IRAK3: variants seen among roughly 807,000 people sequenced by gnomAD.
IRAK3 encodes the protein interleukin-1 receptor-associated kinase 3.
Under a neutral mutation model 56.6 loss-of-function variants are expected in IRAK3, and 57 were observed. The observed-to-expected ratio is 1.01, with a 90% CI of 0.81 to 1.26. The LOEUF (loss-of-function observed/expected upper bound fraction) is 1.26, where lower values mean the gene tolerates loss of function less well. Among genes scored for constraint, IRAK3 ranks in the 50% most tolerant of loss-of-function variants. The probability of loss-of-function intolerance (pLI) is 0.00; values close to 1 mark genes in which losing one functional copy is unlikely to be tolerated. For missense variants in IRAK3, 703 were observed against 719.0 expected (o/e 0.98, Z 0.25); for synonymous variants, 258 against 255.7 (o/e 1.01, Z -0.09).
At chr12:66,227,225 C>T (rs572875652) in intron 7 of IRAK3, among the ~76,000 whole-genome samples, 22 of 152,262 alleles carry the variant, frequency 1.4e-4, no homozygotes, top group African/African-American at 5.1e-4. Flanking sequence ...TACAAAGGAT[C>T]ACCATAGCAG....
chr12:66,207,791 A>G (rs1300696767), intron 2 of IRAK3, among the ~76,000 whole-genome samples: 1 of 151,858 alleles, frequency 6.6e-6, no homozygotes, highest in Non-Finnish European at 1.5e-5. Context: ...TTTGTTATTT[A>G]TGATTTTGTT....
chr12:66,191,191 G>T (rs555073312), intron 1 of IRAK3, among the ~76,000 whole-genome samples: 2 of 152,162 alleles, frequency 1.3e-5, no homozygotes, highest in African/African-American at 4.8e-5. Context: ...TACCTAAAAG[G>T]GGGTATTTTG....
At chr12:66,236,395 C>CAAAAAAAAA (rs56074285) in intron 8 of IRAK3, among the ~76,000 whole-genome samples, 2 of 110,414 alleles carry the variant, frequency 1.8e-5, no homozygotes. Flanking sequence ...CTAAAAATAC[C>CAAAAAAAAA]AAAAAAAAAA....
intron 8 of IRAK3, among the ~76,000 whole-genome samples, chr12:66,236,641 T>C (rs990680995): frequency 4.6e-5 from 7 of 151,086 alleles, no homozygotes; most frequent in Non-Finnish European, 8.9e-5. Context: ...GGCCAGAGAG[T>C]GGCCAAAAGT....
At chr12:66,240,029 T>G (rs1224656692) in intron 8 of IRAK3, among the ~76,000 whole-genome samples, 2 of 152,194 alleles carry the variant, frequency 1.3e-5, no homozygotes. Flanking sequence ...TGTATTTTTG[T>G]TCCTTGAGTT....
rs2052875594 is a variant in IRAK3, at chr12:66,234,061, T to A, written c.887+5691T>A. The A allele has an allele frequency of 7.4e-6, 12 of 1,613,726 alleles. No homozygotes were observed. In the South Asian group the frequency reaches 1.3e-4, roughly 18 times the overall value. The stretch of plus-strand genomic sequence containing the variant: ...TTCTTCATGTAAGAACACCTTTCTG[T>A]ACATCTCACAGTTACTTATTAGGTT... On this transcript the variant is annotated intron_variant, in intron 8 of 11. Coordinates refer to ENST00000261233, the MANE Select transcript of IRAK3 (RefSeq NM_007199.3).
At chr12:66,215,298 C>T (rs1426732957) in intron 5 of IRAK3, among the ~76,000 whole-genome samples, 1 of 152,186 alleles carries the variant, frequency 6.6e-6, no homozygotes, top group Non-Finnish European at 1.5e-5. Flanking sequence ...CCAAATCACA[C>T]TCCCTTTTGG....
chr12:66,226,669 C>A, intron 6 of IRAK3, 54 bp from the exon 7 acceptor site: 1 of 1,008,822 alleles, frequency 9.9e-7, no homozygotes, highest in South Asian at 1.3e-5. Context: ...GTGTGTTGTT[C>A]ATTTCCTGTC....
Position 66,189,307 on chromosome 12 carries a change from G to T in IRAK3, c.8G>T (p.Gly3Val). 1 of 1,535,638 alleles carries T rather than the reference G, an allele frequency of 6.5e-7. No homozygotes were observed. Among genetic ancestry groups the T allele is most frequent in the Middle Eastern group, 2.0e-4 (1 of 4,990 alleles). MA[G>V]NCGARGALSA... Reference sequence around the variant, plus strand: ...GGCTCGGGCAGCCGAGCCATGGCGGGGAACTGTGGGGCCCGCGGCGCGCTG... The same window carrying T: ...GGCTCGGGCAGCCGAGCCATGGCGGTGAACTGTGGGGCCCGCGGCGCGCTG... The change falls in exon 1 of 12, where the codon GGG becomes GTG. Residue 3 changes from glycine to valine, a missense_variant. Transcript: ENST00000261233.
At chr12:66,215,785 T>TGCAAGTGCACGTGCGCGCGC (rs1555203474) in intron 5 of IRAK3, among the ~76,000 whole-genome samples, 1 of 31,176 alleles carries the variant, frequency 3.2e-5, no homozygotes, top group African/African-American at 1.3e-4. Context: ...TAACCCAACA[T>TGCAAGTGCACGTGCGCGCGC]GCACACACAC....
intron 8 of IRAK3, chr12:66,234,517 G>A (rs541689176): frequency 4.3e-6 from 7 of 1,611,972 alleles, no homozygotes; most frequent in South Asian, 2.2e-5. Context: ...TAGTTGGGTC[G>A]TAAGTAAGTG....
intron 11 of IRAK3, 53 bp downstream of exon 11, chr12:66,245,315 T>G: frequency 6.4e-7 from 1 of 1,555,372 alleles, no homozygotes. Context: ...CCATGGAAAA[T>G]CTAAACTAGA....
At chr12:66,210,030 A>G (rs769511934) in intron 3 of IRAK3, 117 bp from the exon 4 acceptor site, 2 of 667,798 alleles carry the variant, frequency 3.0e-6, no homozygotes, top group Non-Finnish European at 5.4e-6. Context: ...TTTCTTTTAA[A>G]TTAGGTTGCA....
chr12:66,247,787 A>G lies in IRAK3; in HGVS notation c.1407A>G (p.Leu469=), dbSNP rs1416083085. The change falls in exon 12 of 12, where the codon CTA becomes CTG. Residue 469 remains leucine (L), a synonymous_variant. Transcript: ENST00000261233. ...SLKSFRCPSP[L]FLENVPSIPV... Reference sequence around the variant, plus strand: ...AGTCCTTCAGGTGTCCTTCTCCTCTATTCCTGGAGAATGTACCAAGTATTC... The same window carrying G: ...AGTCCTTCAGGTGTCCTTCTCCTCTGTTCCTGGAGAATGTACCAAGTATTC... The G allele has an allele frequency of 3.2e-5, 51 of 1,614,032 alleles. No individual in the cohort carries two copies. Among genetic ancestry groups the G allele is most frequent in the Non-Finnish European group, 4.0e-5 (47 of 1,179,990 alleles).
At chr12:66,215,796 A>ACC (rs2052669038) in intron 5 of IRAK3, among the ~76,000 whole-genome samples, 1 of 57,292 alleles carries the variant, frequency 1.7e-5, no homozygotes, top group African/African-American at 4.1e-5. Context: ...GCACACACAC[A>ACC]CACACACACA....
chr12:66,250,538 A>C lies in IRAK3; in HGVS notation c.*2367A>C, dbSNP rs544777502. On this transcript the variant is annotated 3_prime_UTR_variant, in exon 12 of 12. Transcript: ENST00000261233. ...GCAGTTGGGAGAACCCATGCCCACC[A>C]CTGCTCTGTACGGTATCTGGCTGCT... 6.6e-6 allele frequency: 1 copy of C among 152,236 alleles called. No homozygotes were observed. The highest frequency in any genetic ancestry group is 2.4e-5 in the African/African-American group (1 of 41,462). 9.4% of individuals were successfully genotyped at this position (152,236 alleles called of 1,614,324 possible). A position where few individuals can be genotyped will look rare whatever the true frequency, so the allele number is the denominator to read the frequency against.
intron 2 of IRAK3, among the ~76,000 whole-genome samples, chr12:66,204,947 A>G (rs148637441): frequency 1.3e-5 from 2 of 152,258 alleles, no homozygotes; most frequent in African/African-American, 4.8e-5. Flanking sequence ...TAACTTGGCT[A>G]ATTCCCTTTG....
Position 66,210,158 on chromosome 12 carries a change from T to G in IRAK3, c.393T>G (p.Asn131Lys). Residue 131 changes from asparagine (N) to lysine (K), a missense_variant, in exon 4 of 12, where the codon AAT becomes AAG. By Grantham distance (94) the Asn-to-Lys change is moderately conservative. Coordinates refer to ENST00000261233, the MANE Select transcript of IRAK3 (RefSeq NM_007199.3). Reference sequence around the variant, plus strand: ...ATTTCTTCTCTTAGGAAACAGCCAATGTCACCGTGGATAATGTTCTTATTC... The same window carrying G: ...ATTTCTTCTCTTAGGAAACAGCCAAGGTCACCGTGGATAATGTTCTTATTC... Reference protein sequence around the residue: ...FPNILFKETANVTVDNVLIPE... With the variant: ...FPNILFKETAKVTVDNVLIPE... 3 of 1,597,830 alleles carry G rather than the reference T, an allele frequency of 1.9e-6. No individual in the cohort carries two copies. The highest frequency in any genetic ancestry group is 2.6e-6 in the Non-Finnish European group (3 of 1,165,256).
rs1282755751 is a variant in IRAK3, at chr12:66,248,740, A to T, written c.*569A>T. 1 of 153,134 alleles carries T rather than the reference A, an allele frequency of 6.5e-6. No homozygotes were observed. Among genetic ancestry groups the T allele is most frequent in the Admixed American group, 6.5e-5 (1 of 15,420 alleles). The allele number at this position is 153,134 out of a possible 1,614,324, so 9.5% of individuals were successfully genotyped here. Reference sequence around the variant, plus strand: ...AGCCAGGTTCACCCTTAGCTACGGCATGCTCTGGGTTGAAAGGGGATTTCT... The same window carrying T: ...AGCCAGGTTCACCCTTAGCTACGGCTTGCTCTGGGTTGAAAGGGGATTTCT... On this transcript the variant is annotated 3_prime_UTR_variant, in exon 12 of 12. Coordinates refer to ENST00000261233, the MANE Select transcript of IRAK3 (RefSeq NM_007199.3).
Sources: gnomAD v4.1 joint callset for allele counts (sites outside exome capture counted in the v4.1 genomes callset) on GRCh38, gnomAD v4.1.1 for gene constraint, MANE v1.5 for transcripts, NCBI Gene and HGNC (gene_info 2026-07-23, HGNC 2026-07-21) for gene names.